Variants in HS6ST3 observed in about 807,000 individuals in gnomAD.
The protein encoded by HS6ST3 is heparan sulfate 6-O-sulfotransferase 3.
Under a neutral mutation model 36.7 loss-of-function variants are expected in HS6ST3, and 12 were observed. The observed-to-expected ratio is 0.33, with a 90% CI of 0.21 to 0.53. HS6ST3 has a LOEUF of 0.53. HS6ST3 is among the 20% of genes least tolerant of loss of function. HS6ST3 has a pLI of 0.95. For missense variants in HS6ST3, 584 were observed against 640.9 expected, an observed-to-expected ratio of 0.91 and a Z score of 0.96; for synonymous variants, 240 against 257.5, an observed-to-expected ratio of 0.93 and a Z score of 0.65.
intron 1 of HS6ST3, among the ~76,000 whole-genome samples, chr13:96,553,879 A>G (rs1189208257): frequency 1.3e-5 from 2 of 152,244 alleles, no homozygotes; most frequent in Admixed American, 6.5e-5. Context: ...TGAAGGTAAC[A>G]GCTTGATGAA....
intron 1 of HS6ST3, among the ~76,000 whole-genome samples, chr13:96,708,924 C>T (rs1051353795): frequency 3.9e-5 from 6 of 152,152 alleles, no homozygotes; most frequent in Admixed American, 3.9e-4. Context: ...AACGTTGTCT[C>T]TTCTTTTCCT....
At chr13:96,707,313 T>G (rs1875453347) in intron 1 of HS6ST3, among the ~76,000 whole-genome samples, 1 of 152,174 alleles carries the variant, frequency 6.6e-6, no homozygotes, top group Non-Finnish European at 1.5e-5. Context: ...GAAAGAGGCC[T>G]CACACCAAGA....
At chr13:96,245,993 T>A (rs937717254) in intron 1 of HS6ST3, among the ~76,000 whole-genome samples, 5 of 152,028 alleles carry the variant, frequency 3.3e-5, no homozygotes, top group African/African-American at 1.2e-4. Flanking sequence ...CCGAATAGAG[T>A]TTTGGAAATG....
chr13:96,341,178 T>C (rs2055128246), intron 1 of HS6ST3, among the ~76,000 whole-genome samples: 1 of 152,204 alleles, frequency 6.6e-6, no homozygotes, highest in African/African-American at 2.4e-5. Flanking sequence ...TGGTATAAAA[T>C]ATGAATATTG....
intron 1 of HS6ST3, among the ~76,000 whole-genome samples, chr13:96,124,012 T>C (rs2053938740): frequency 6.6e-6 from 1 of 152,192 alleles, no homozygotes; most frequent in African/African-American, 2.4e-5. Context: ...ATGTTAATCG[T>C]ATGCATGGGC....
chr13:96,405,099 C>G (rs984668079), intron 1 of HS6ST3, among the ~76,000 whole-genome samples: 16 of 152,160 alleles, frequency 1.1e-4, no homozygotes, highest in Non-Finnish European at 2.9e-5. Flanking sequence ...CCAATTAAAC[C>G]TCTTTCTTTT....
At chr13:96,747,535 A>G (rs1876590790) in intron 1 of HS6ST3, among the ~76,000 whole-genome samples, 1 of 152,134 alleles carries the variant, frequency 6.6e-6, no homozygotes, top group African/African-American at 2.4e-5. Flanking sequence ...TCTTTTAAAT[A>G]CTTTATGGCT....
chr13:96,613,918 T>G (rs142052617), intron 1 of HS6ST3, among the ~76,000 whole-genome samples: 1 of 152,188 alleles, frequency 6.6e-6, no homozygotes, highest in Admixed American at 6.5e-5. Context: ...CCAAGCACTC[T>G]GCTGTGCAGT....
intron 1 of HS6ST3, among the ~76,000 whole-genome samples, chr13:96,392,526 A>G (rs2389658): frequency 0.83 from 125,612 of 152,110 alleles, 52,234 homozygotes; most frequent in Non-Finnish European, 0.87. Context: ...GGTTTGAAGG[A>G]AGTGATGACA....
intron 1 of HS6ST3, among the ~76,000 whole-genome samples, chr13:96,707,253 A>G (rs894949083): frequency 6.6e-6 from 1 of 152,154 alleles, no homozygotes; most frequent in African/African-American, 2.4e-5. Flanking sequence ...GAGATGATTT[A>G]TCTCTCCTCC....
chr13:96,211,397 C>T (rs1424104799), intron 1 of HS6ST3, among the ~76,000 whole-genome samples: 2 of 152,186 alleles, frequency 1.3e-5, no homozygotes, highest in Non-Finnish European at 2.9e-5. Flanking sequence ...AGTTGCCTCA[C>T]TGGTGTGCAC....
chr13:96,424,046 A>G (rs1162441350), intron 1 of HS6ST3, among the ~76,000 whole-genome samples: 4 of 152,226 alleles, frequency 2.6e-5, no homozygotes, highest in Non-Finnish European at 5.9e-5. Flanking sequence ...ATTCATATTC[A>G]TATTACAAGT....
chr13:96,215,264 A>T (rs1437131624), intron 1 of HS6ST3, among the ~76,000 whole-genome samples: 1 of 152,220 alleles, frequency 6.6e-6, no homozygotes, highest in African/African-American at 2.4e-5. Flanking sequence ...GCGATGTGTC[A>T]TGTGCCTGTG....
intron 1 of HS6ST3, among the ~76,000 whole-genome samples, chr13:96,127,277 G>A (rs772743248): frequency 6.6e-6 from 1 of 152,196 alleles, no homozygotes; most frequent in Non-Finnish European, 1.5e-5. Flanking sequence ...GATGGGTTTT[G>A]TGGTGTTTCC....
At chr13:96,576,330 A>T (rs74107932) in intron 1 of HS6ST3, among the ~76,000 whole-genome samples, 2,743 of 152,042 alleles carry the variant, frequency 0.018, 84 homozygotes, top group African/African-American at 0.062. Flanking sequence ...TGAAGATGGA[A>T]GGATTGTTTT....
At chr13:96,223,453 T>C (rs1016709824) in intron 1 of HS6ST3, among the ~76,000 whole-genome samples, 1 of 152,176 alleles carries the variant, frequency 6.6e-6, no homozygotes, top group Admixed American at 6.5e-5. Flanking sequence ...ACTGACACCA[T>C]TCAGCTAATT....
chr13:96,372,763 G>A (rs2055295985), intron 1 of HS6ST3, among the ~76,000 whole-genome samples: 1 of 152,134 alleles, frequency 6.6e-6, no homozygotes, highest in Non-Finnish European at 1.5e-5. Context: ...TTTCCCAGCA[G>A]TATTTATTGA....
intron 1 of HS6ST3, among the ~76,000 whole-genome samples, chr13:96,397,210 G>A (rs9516678): frequency 0.48 from 72,110 of 151,780 alleles, 17,443 homozygotes; most frequent in Middle Eastern, 0.6. Context: ...CTCAAAGAAA[G>A]CAAAACAAAA....
intron 1 of HS6ST3, among the ~76,000 whole-genome samples, chr13:96,494,022 A>G (rs142709924): frequency 1.8e-4 from 27 of 152,242 alleles, no homozygotes; most frequent in African/African-American, 6.0e-4. Flanking sequence ...TACTATGTCA[A>G]TGGTTCTTCG....
Sources: gnomAD v4.1 joint callset for allele counts (sites outside exome capture counted in the v4.1 genomes callset) on GRCh38, gnomAD v4.1.1 for gene constraint, MANE v1.5 for transcripts, NCBI Gene and HGNC (gene_info 2026-07-23, HGNC 2026-07-21) for gene names.